The following DENND1B variants were observed in gnomAD, a reference collection of about 807,000 sequenced individuals.
DENND1B encodes DENN domain containing 1B.
DENND1B carries 59 observed loss-of-function variants against 90.1 expected under a neutral mutation model. The observed-to-expected ratio is 0.65, with a 90% CI of 0.53 to 0.81. DENND1B has a LOEUF of 0.81. Among genes scored for constraint, DENND1B ranks in the 40% least tolerant of loss-of-function variants. DENND1B has a pLI of 0.00. For synonymous variants in DENND1B, 337 were observed against 324.6 expected, an observed-to-expected ratio of 1.04 and a Z score of -0.41; for missense variants, 862 against 912.6, an observed-to-expected ratio of 0.94 and a Z score of 0.71.
chr1:197,633,854 G>A (rs1005487685), intron 10 of DENND1B, among the ~76,000 whole-genome samples: 1 of 152,140 alleles, frequency 6.6e-6, no homozygotes, highest in African/African-American at 2.4e-5. Context: ...AGTTTCCCCA[G>A]TAACACGATC....
At chr1:197,776,207 GC>G (rs1240149946), upstream of DENND1B, among the ~76,000 whole-genome samples, 1 of 152,200 alleles carries the variant, frequency 6.6e-6, no homozygotes, top group East Asian at 1.9e-4. Context: ...CACATGTGAA[GC>G]AGGTTATGTG....
At chr1:197,750,794 T>G (rs533377318) in intron 2 of DENND1B, among the ~76,000 whole-genome samples, 3 of 152,162 alleles carry the variant, frequency 2.0e-5, no homozygotes, top group Non-Finnish European at 4.4e-5. Flanking sequence ...AACTAACCCT[T>G]TTAACATATG....
chr1:197,651,713 TAACA>T (rs1158557684), intron 7 of DENND1B, among the ~76,000 whole-genome samples: 1 of 133,708 alleles, frequency 7.5e-6, no homozygotes, highest in Non-Finnish European at 1.5e-5. Context: ...TGGAGTGCAG[TAACA>T]CGATCTCGGC....
intron 6 of DENND1B, among the ~76,000 whole-genome samples, chr1:197,653,509 C>A (rs1653468392): frequency 6.6e-6 from 1 of 151,978 alleles, no homozygotes; most frequent in Non-Finnish European, 1.5e-5. Context: ...ATAACTTGAA[C>A]TGTAAAAGTT....
intron 15 of DENND1B, among the ~76,000 whole-genome samples, chr1:197,567,889 C>T (rs1053403259): frequency 5.3e-5 from 8 of 151,844 alleles, no homozygotes; most frequent in African/African-American, 1.9e-4. Context: ...AGGAACAAGA[C>T]AAGAGTTCTC....
intron 15 of DENND1B, among the ~76,000 whole-genome samples, chr1:197,565,697 T>A (rs1377887846): frequency 3.0e-4 from 44 of 144,588 alleles, no homozygotes; most frequent in Non-Finnish European, 4.7e-4. Flanking sequence ...TGTCCATGTG[T>A]TCTCACTGTT....
At chr1:197,777,311 C>T (rs967187902), upstream of DENND1B, among the ~76,000 whole-genome samples, 1 of 152,046 alleles carries the variant, frequency 6.6e-6, no homozygotes, top group African/African-American at 2.4e-5. Context: ...ACAGTCATAC[C>T]CTTGAACAGT....
chr1:197,593,985 T>C (rs1461254852), intron 14 of DENND1B, among the ~76,000 whole-genome samples: 1 of 152,140 alleles, frequency 6.6e-6, no homozygotes, highest in Non-Finnish European at 1.5e-5. Flanking sequence ...GTATAGATTA[T>C]TGGTTTCCAG....
chr1:197,720,992 C>G (rs149468174), intron 2 of DENND1B, among the ~76,000 whole-genome samples: 1 of 150,574 alleles, frequency 6.6e-6, no homozygotes, highest in Non-Finnish European at 1.5e-5. Context: ...TCTCAAACTT[C>G]AACAAAAATA....
At chr1:197,640,777 CT>C (rs1374110985) in intron 10 of DENND1B, among the ~76,000 whole-genome samples, 7 of 152,154 alleles carry the variant, frequency 4.6e-5, no homozygotes, top group African/African-American at 1.7e-4. Context: ...ACTCACATAG[CT>C]TATTCCCTCA....
chr1:197,676,082 C>T (rs117177599), intron 3 of DENND1B, among the ~76,000 whole-genome samples: 1 of 114,930 alleles, frequency 8.7e-6, no homozygotes, highest in African/African-American at 3.6e-5. Flanking sequence ...ACAGTATAGA[C>T]AAAAAAAAAA....
chr1:197,670,443 C>CTGTGTGTGTATGTGTGTGTGTGTGTG (rs1655375137), intron 5 of DENND1B, among the ~76,000 whole-genome samples: 1 of 99,538 alleles, frequency 1.0e-5, no homozygotes, highest in Non-Finnish European at 1.9e-5. Flanking sequence ...GGGGGGAAGA[C>CTGTGTGTGTATGTGTGTGTGTGTGTG]TGTGTGTGTG....
intron 15 of DENND1B, among the ~76,000 whole-genome samples, chr1:197,557,636 G>T (rs1479851072): frequency 1.3e-5 from 2 of 151,828 alleles, no homozygotes; most frequent in Non-Finnish European, 2.9e-5. Context: ...ACAAAAGATT[G>T]ATTTCATGCA....
intron 15 of DENND1B, among the ~76,000 whole-genome samples, chr1:197,574,302 C>T (rs1673450374): frequency 6.6e-6 from 1 of 152,240 alleles, no homozygotes; most frequent in South Asian, 2.1e-4. Flanking sequence ...CAATAACAGA[C>T]AATCGGAGAG....
At chr1:197,513,203 T>A (rs1668157984) in intron 20 of DENND1B, among the ~76,000 whole-genome samples, 1 of 151,074 alleles carries the variant, frequency 6.6e-6, no homozygotes, top group Non-Finnish European at 1.5e-5. Context: ...GATCACTGGA[T>A]TGAATACATA....
chr1:197,602,022 T>C (rs1294311490), intron 13 of DENND1B, among the ~76,000 whole-genome samples: 2 of 151,622 alleles, frequency 1.3e-5, no homozygotes, highest in Non-Finnish European at 3.0e-5. Context: ...CAGCTGGGTA[T>C]GCAGAAGCAC....
chr1:197,523,349 C>T (rs1668907716), intron 20 of DENND1B, among the ~76,000 whole-genome samples: 1 of 152,046 alleles, frequency 6.6e-6, no homozygotes, highest in Non-Finnish European at 1.5e-5. Flanking sequence ...GCAGAAAAGC[C>T]TCGGCCACCT....
At chr1:197,655,957 T>C (rs1388937672) in intron 6 of DENND1B, among the ~76,000 whole-genome samples, 7 of 152,176 alleles carry the variant, frequency 4.6e-5, no homozygotes, top group Non-Finnish European at 8.8e-5. Flanking sequence ...TAGTACATTA[T>C]GTGCAGCAGA....
intron 2 of DENND1B, among the ~76,000 whole-genome samples, chr1:197,767,964 T>C (rs1655904015): frequency 6.6e-6 from 1 of 152,226 alleles, no homozygotes; most frequent in Non-Finnish European, 1.5e-5. Flanking sequence ...CAGACTACCC[T>C]GCGCAAGTTT....
Sources: allele counts gnomAD v4.1 joint callset (sites outside exome capture counted in the v4.1 genomes callset), GRCh38; gene constraint gnomAD v4.1.1; transcripts MANE v1.5; gene names NCBI Gene and HGNC (gene_info 2026-07-23, HGNC 2026-07-21).